Variants in MAP7D3 observed in about 807,000 individuals in gnomAD.
MAP7D3 encodes the protein MAP7 domain containing 3.
Under a neutral mutation model 62.2 loss-of-function variants are expected in MAP7D3, and 45 were observed. That is an observed-to-expected ratio of 0.72 (90% CI 0.57 to 0.93). MAP7D3 has a LOEUF of 0.93. MAP7D3 is among the 40% of genes least tolerant of loss of function. The probability of loss-of-function intolerance (pLI) is 0.00; values close to 1 mark genes in which losing one functional copy is unlikely to be tolerated. For synonymous variants in MAP7D3, 288 were observed against 248.8 expected, an observed-to-expected ratio of 1.16 and a Z score of -1.48; for missense variants, 711 against 683.1, an observed-to-expected ratio of 1.04 and a Z score of -0.45.
In MAP7D3 at chrX:136,250,902, C is replaced by G. The variant is rs1157516796; in HGVS notation, c.70+387G>C. 3.6e-5 allele frequency among the ~76,000 whole-genome samples: 4 copies of G among 111,619 alleles called. No individual in the cohort carries two copies. The East Asian group carries it at 1.2e-3, about 32-fold the overall frequency. On this transcript the variant is annotated intron_variant, in intron 1 of 18. Transcript: ENST00000316077. Reference sequence around the variant, plus strand: ...GCGTTCGTTGGGGCGGTTGCGCGGGCGGCCACCGCCCCCCAAGGGCAGATG... The same window carrying G: ...GCGTTCGTTGGGGCGGTTGCGCGGGGGGCCACCGCCCCCCAAGGGCAGATG...
rs1032776848 is a variant in MAP7D3, at chrX:136,233,436, G to A, written c.737-1216C>T. Reference sequence around the variant, plus strand: ...ATTACAGACATGTGCCACCACACCCGGAAAATTTTGTATTTTTAGTAGAGA... The same window carrying A: ...ATTACAGACATGTGCCACCACACCCAGAAAATTTTGTATTTTTAGTAGAGA... On this transcript the variant is annotated intron_variant, in intron 7 of 18. Transcript: ENST00000316077. 3.7e-5 allele frequency among the ~76,000 whole-genome samples: 4 copies of A among 107,120 alleles called. No individual in the cohort carries two copies. In the East Asian group the frequency reaches 8.8e-4, roughly 24 times the overall value. 93.0% of individuals were successfully genotyped at this position (107,120 alleles called of 115,157 possible). A position where few individuals can be genotyped will look rare whatever the true frequency, so the allele number is the denominator to read the frequency against.
intron 7 of MAP7D3, among the ~76,000 whole-genome samples, chrX:136,235,871 T>C (rs898937396): frequency 5.3e-5 from 6 of 112,943 alleles, no homozygotes; most frequent in Non-Finnish European, 9.4e-5. Context: ...ATGTGGGTAA[T>C]GCTATGAAGC....
chrX:136,218,821 G>A (rs2074089360), intron 18 of MAP7D3, among the ~76,000 whole-genome samples: 1 of 111,534 alleles, frequency 9.0e-6, no homozygotes, highest in Non-Finnish European at 1.9e-5. Flanking sequence ...CAGACCAGGA[G>A]CTCAGAGGAG....
Position 136,231,696 on chromosome X carries a change from T to C in MAP7D3, c.1261A>G (p.Ser421Gly), listed in dbSNP as rs746132174. Residue 421 changes from serine to glycine, a missense_variant, in exon 8 of 19, where the codon AGC becomes GGC. By Grantham distance (56) the Ser-to-Gly change is moderately conservative (BLOSUM62 0). Coordinates refer to ENST00000316077, the MANE Select transcript of MAP7D3 (RefSeq NM_024597.4). ...CTCTCCTTGGGGGCTACTTCTGCGC[T>C]CCCCTTGGGAGGTGCTTCCAGGCTC... ...EGSLEAPPKG[S>G]AEVAPKESVK... The C allele has an allele frequency of 4.7e-4, 572 of 1,207,271 alleles. 2 individuals carry two copies. The South Asian group carries it at 9.2e-3, about 19-fold the overall frequency.
chrX:136,234,909 C>A (rs1353521147), intron 7 of MAP7D3, among the ~76,000 whole-genome samples: 1 of 111,574 alleles, frequency 9.0e-6, no homozygotes, highest in Non-Finnish European at 1.9e-5. Context: ...AAATGCAAAG[C>A]AAGAAAGAGC....
At chrX:136,255,747 C>T (rs2074548021), upstream of MAP7D3, among the ~76,000 whole-genome samples, 1 of 111,010 alleles carries the variant, frequency 9.0e-6, no homozygotes, top group Non-Finnish European at 1.9e-5. Context: ...CCTCTCCTCT[C>T]CTCTCCTCCC....
At chrX:136,248,928 G>C (rs1317130492) in intron 1 of MAP7D3, among the ~76,000 whole-genome samples, 1 of 112,043 alleles carries the variant, frequency 8.9e-6, no homozygotes, top group African/African-American at 3.2e-5. Context: ...AAAAATAACA[G>C]GAAAAGAAAT....
Position 136,230,831 on chromosome X carries a change from C to A in MAP7D3, c.1541+8G>T, listed in dbSNP as rs375333323. The A allele has an allele frequency of 8.3e-7, 1 of 1,199,543 alleles. No homozygotes were observed. Among genetic ancestry groups the A allele is most frequent in the African/African-American group, 1.8e-5 (1 of 56,657 alleles). ...CCTATCAGGAACAGTTGCGAATAAG[C>A]TGCTTACTTAGTGCTGATGGGAGAC... On this transcript the variant is annotated splice_region_variant and intron_variant, in intron 9 of 18. Coordinates refer to ENST00000316077, the MANE Select transcript of MAP7D3 (RefSeq NM_024597.4).
At position 136,217,119 on chromosome X, in the gene MAP7D3, T is replaced by G. The variant is rs958996738; in HGVS notation, c.*1407A>C. 8.9e-6 allele frequency: 1 copy of G among 111,850 alleles called. No homozygotes were observed. The highest frequency in any genetic ancestry group is 3.2e-5 in the African/African-American group (1 of 30,885). 9.2% of individuals were successfully genotyped at this position (111,850 alleles called of 1,213,427 possible). A position where few individuals can be genotyped will look rare whatever the true frequency, so the allele number is the denominator to read the frequency against. ...CTGGCCTGCTTCAGACTATTTACGATTCAACACTGAAAACTCATTAGGAGA... is the reference window on the plus strand; with the variant it reads ...CTGGCCTGCTTCAGACTATTTACGAGTCAACACTGAAAACTCATTAGGAGA... On this transcript the variant is annotated 3_prime_UTR_variant, in exon 19 of 19. Transcript: ENST00000316077.
chrX:136,227,365 T>C lies in MAP7D3; in HGVS notation c.1953A>G (p.Lys651=). ...AVGGQAEDHL[K]LKDGQQQNET... is the part of the protein sequence containing the mutation. ...CATTTTGTTGCTGCCCATCTTTGAG[T>C]TTCAAGTGGTCTTCTGCTTGGCCTC... The change falls in exon 12 of 19, where the codon AAA becomes AAG. Residue 651 remains lysine, a synonymous_variant. Coordinates refer to ENST00000316077, the MANE Select transcript of MAP7D3 (RefSeq NM_024597.4). 1 of 1,201,863 alleles carries C rather than the reference T, an allele frequency of 8.3e-7. No homozygotes were observed. Among genetic ancestry groups the C allele is most frequent in the Non-Finnish European group, 1.1e-6 (1 of 889,170 alleles).
rs754433518 is a variant in MAP7D3 at position 136,236,793 on chromosome X, T to C, written c.641-454A>G. On this transcript the variant is annotated intron_variant, in intron 6 of 18. Coordinates refer to ENST00000316077, the MANE Select transcript of MAP7D3 (RefSeq NM_024597.4). ...AATATCAATCATTTAGATAAAAAGA[T>C]ATTTGTTCTTAACATAAAGAAAACA... 3.6e-5 allele frequency among the ~76,000 whole-genome samples: 4 copies of C among 112,069 alleles called. No individual in the cohort carries two copies. In the East Asian group the frequency reaches 1.1e-3, roughly 31 times the overall value.
chrX:136,236,540 G>A (rs1372921642), intron 6 of MAP7D3, among the ~76,000 whole-genome samples: 2 of 111,167 alleles, frequency 1.8e-5, no homozygotes, highest in East Asian at 5.6e-4. Context: ...TTAGAAAATG[G>A]TAAAAATTAA....
At chrX:136,222,910 T>C (rs960177715) in intron 14 of MAP7D3, among the ~76,000 whole-genome samples, 6 of 108,232 alleles carry the variant, frequency 5.5e-5, no homozygotes, top group African/African-American at 1.7e-4. Context: ...GGCACGATCA[T>C]AGCTCACTGC....
Position 136,244,640 on chromosome X carries a change from C to T in MAP7D3, c.409G>A (p.Ala137Thr), listed in dbSNP as rs1376438182. The T allele has an allele frequency of 2.5e-6, 3 of 1,205,897 alleles. No individual in the cohort carries two copies. Among genetic ancestry groups the T allele is most frequent in the African/African-American group, 1.8e-5 (1 of 56,951 alleles). ...AEEKRHQKDE[A>T]QKEKFTAILY... ...GCTGCAAAATTATGTACCTTTTGTG[C>T]TTCATCCTTCTGGTGTCTTTTTTCT... The change falls in exon 4 of 19, where the codon GCA (alanine) becomes ACA (threonine). Residue 137 changes from alanine to threonine, a missense_variant. Ala to Thr is a moderately conservative substitution (Grantham distance 58, BLOSUM62 0). Transcript: ENST00000316077.
chrX:136,254,035 A>G (rs1007789296), upstream of MAP7D3, among the ~76,000 whole-genome samples: 13 of 110,076 alleles, frequency 1.2e-4, no homozygotes, highest in South Asian at 4.0e-4. Flanking sequence ...ATAAATATTG[A>G]AGAATGTAGG....
chrX:136,254,054 T>G (rs2074537598), upstream of MAP7D3, among the ~76,000 whole-genome samples: 1 of 109,654 alleles, frequency 9.1e-6, no homozygotes, highest in Non-Finnish European at 1.9e-5. Flanking sequence ...GGGGTAAAGA[T>G]TTGAGGTTTT....
At chrX:136,253,124 T>G (rs2148428548), upstream of MAP7D3, among the ~76,000 whole-genome samples, 1 of 111,299 alleles carries the variant, frequency 9.0e-6, no homozygotes, top group South Asian at 3.8e-4. Context: ...GTGGCAAAAA[T>G]AAACAGTTTG....
chrX:136,216,395 G>A (rs1603275737), downstream of MAP7D3, among the ~76,000 whole-genome samples: 9 of 82,120 alleles, frequency 1.1e-4, no homozygotes, highest in Non-Finnish European at 1.4e-4. Context: ...AAAAAGAGAA[G>A]AAGAAAGAAG....
At chrX:136,250,114 A>G (rs932786582) in intron 1 of MAP7D3, among the ~76,000 whole-genome samples, 2 of 111,839 alleles carry the variant, frequency 1.8e-5, no homozygotes, top group African/African-American at 6.5e-5. Context: ...GTGAACCATA[A>G]GTATAGACAC....
Sources: allele counts gnomAD v4.1 joint callset (sites outside exome capture counted in the v4.1 genomes callset), GRCh38; gene constraint gnomAD v4.1.1; transcripts MANE v1.5; gene names NCBI Gene and HGNC (gene_info 2026-07-23, HGNC 2026-07-21).